NAALADL2: variants seen among roughly 807,000 people sequenced by gnomAD.
NAALADL2 encodes the protein N-acetylated alpha-linked acidic dipeptidase like 2.
A neutral mutation model predicts 87.2 loss-of-function variants in NAALADL2; 76 were observed. The ratio of observed to expected loss-of-function variants is 0.87; its 90% CI spans 0.72 to 1.05. The LOEUF (loss-of-function observed/expected upper bound fraction) is 1.05. Among genes scored for constraint, NAALADL2 ranks in the 50% least tolerant of loss-of-function variants. The pLI is 0.00. For missense variants in NAALADL2, 1,089 were observed against 945.8 expected, an observed-to-expected ratio of 1.15 and a Z score of -1.99; for synonymous variants, 354 against 331.0, an observed-to-expected ratio of 1.07 and a Z score of -0.75.
chr3:175,003,013 C>G (rs1010531038), intron 1 of NAALADL2, among the ~76,000 whole-genome samples: 1 of 152,160 alleles, frequency 6.6e-6, no homozygotes, highest in African/African-American at 2.4e-5. Flanking sequence ...GACATCTTTT[C>G]TGATTAGTTT....
chr3:174,848,856 A>C (rs894642467), intron 3 of NAALADL2, among the ~76,000 whole-genome samples: 1 of 152,212 alleles, frequency 6.6e-6, no homozygotes, highest in Admixed American at 6.5e-5. Context: ...AGCTTACTGC[A>C]ATCCTGGGTT....
At chr3:175,781,021 G>T (rs1446821792) in intron 13 of NAALADL2, among the ~76,000 whole-genome samples, 1 of 152,108 alleles carries the variant, frequency 6.6e-6, no homozygotes, top group Non-Finnish European at 1.5e-5. Context: ...ACATTTTTCT[G>T]ATGAGTAATA....
intron 1 of NAALADL2, among the ~76,000 whole-genome samples, chr3:175,061,335 T>A (rs1043242324): frequency 2.4e-4 from 37 of 152,192 alleles, no homozygotes; most frequent in Non-Finnish European, 4.3e-4. Flanking sequence ...AGAATTATGA[T>A]CAGCTGGTTT....
chr3:175,762,779 T>C (rs1427301476), intron 13 of NAALADL2, among the ~76,000 whole-genome samples: 1 of 152,104 alleles, frequency 6.6e-6, no homozygotes, highest in African/African-American at 2.4e-5. Context: ...ACATTAAATA[T>C]GCAGTTAAGA....
intron 11 of NAALADL2, among the ~76,000 whole-genome samples, chr3:175,643,680 G>A (rs550609526): frequency 6.6e-6 from 1 of 152,270 alleles, no homozygotes; most frequent in African/African-American, 2.4e-5. Context: ...GGTGAACATG[G>A]TGAAGGGAGG....
chr3:174,718,155 TCTC>T (rs945051074), intron 2 of NAALADL2, among the ~76,000 whole-genome samples: 12 of 151,882 alleles, frequency 7.9e-5, no homozygotes, highest in African/African-American at 2.7e-4. Context: ...AAAAAGGAAA[TCTC>T]CTCCTTTAAT....
intron 10 of NAALADL2, among the ~76,000 whole-genome samples, chr3:175,589,637 G>T (rs1364691611): frequency 6.6e-6 from 1 of 151,848 alleles, no homozygotes; most frequent in South Asian, 2.1e-4. Flanking sequence ...ATTAAATGCT[G>T]TTGGATATTA....
chr3:175,183,761 T>G (rs563593447), intron 2 of NAALADL2, among the ~76,000 whole-genome samples: 3 of 152,226 alleles, frequency 2.0e-5, no homozygotes, highest in South Asian at 4.1e-4. Flanking sequence ...TTTGCATCTA[T>G]GTTGATCAAT....
At chr3:175,443,404 C>A (rs1720138657) in intron 5 of NAALADL2, among the ~76,000 whole-genome samples, 1 of 152,032 alleles carries the variant, frequency 6.6e-6, no homozygotes, top group South Asian at 2.1e-4. Context: ...ATAAATATAT[C>A]TTAAAGATGA....
At chr3:175,545,091 A>C (rs114511674) in intron 9 of NAALADL2, among the ~76,000 whole-genome samples, 5 of 152,326 alleles carry the variant, frequency 3.3e-5, no homozygotes, top group Non-Finnish European at 7.4e-5. Context: ...GATTTTTCCA[A>C]AAACATTATT....
rs768592605 is a variant in NAALADL2 at position 175,447,333 on chromosome 3, A to G, written c.1195A>G (p.Lys399Glu). 8.2e-5 allele frequency: 131 copies of G among 1,599,868 alleles called. No homozygotes were observed. Among genetic ancestry groups the G allele is most frequent in the Non-Finnish European group, 1.1e-4 (127 of 1,172,276 alleles). ...GATCTCTTCGCCAAAAGCTAGAACCAAAAATGAAGCGTGTAGCTCTCTAGA... is the reference window on the plus strand; with the variant it reads ...GATCTCTTCGCCAAAAGCTAGAACCGAAAATGAAGCGTGTAGCTCTCTAGA... Reference protein sequence around the residue: ...KLISSPKARTKNEACSSLELP... With the variant: ...KLISSPKARTENEACSSLELP... The change falls in exon 6 of 14, where the codon AAA (lysine) becomes GAA (glutamate). Residue 399 changes from lysine (K) to glutamate (E), a missense_variant. Transcript: ENST00000454872.
intron 1 of NAALADL2, among the ~76,000 whole-genome samples, chr3:175,038,175 A>AT (rs548934604): frequency 1.3e-5 from 2 of 152,226 alleles, no homozygotes; most frequent in African/African-American, 4.8e-5. Flanking sequence ...AAGGCTTAAC[A>AT]TTTTTTTAAG....
chr3:175,486,799 G>C (rs1727343004), intron 9 of NAALADL2, among the ~76,000 whole-genome samples: 1 of 152,024 alleles, frequency 6.6e-6, no homozygotes, highest in African/African-American at 2.4e-5. Flanking sequence ...TTAGGACAAA[G>C]ACCTTGGAGA....
At chr3:175,336,031 G>T (rs1283547653) in intron 5 of NAALADL2, among the ~76,000 whole-genome samples, 3 of 152,030 alleles carry the variant, frequency 2.0e-5, no homozygotes, top group African/African-American at 7.2e-5. Context: ...TACAAAGATT[G>T]TGACTTATAT....
chr3:175,083,122 TTGGTAAA>T (rs1718204681), intron 1 of NAALADL2, among the ~76,000 whole-genome samples: 1 of 152,224 alleles, frequency 6.6e-6, no homozygotes, highest in East Asian at 1.9e-4. Context: ...GAACTTGATG[TTGGTAAA>T]TTCTAGGATG....
intron 10 of NAALADL2, among the ~76,000 whole-genome samples, chr3:175,620,300 G>T (rs909774896): frequency 3.9e-5 from 6 of 152,114 alleles, no homozygotes; most frequent in Non-Finnish European, 8.8e-5. Flanking sequence ...CTGGGATTCC[G>T]CCCCTGCCAT....
chr3:175,402,915 T>G (rs1711583797), intron 5 of NAALADL2, among the ~76,000 whole-genome samples: 1 of 152,158 alleles, frequency 6.6e-6, no homozygotes, highest in Non-Finnish European at 1.5e-5. Context: ...AAGGTCATAT[T>G]CACACCTCTT....
intron 2 of NAALADL2, among the ~76,000 whole-genome samples, chr3:174,560,398 G>A (rs909983925): frequency 2.0e-5 from 3 of 152,174 alleles, no homozygotes; most frequent in Non-Finnish European, 2.9e-5. Flanking sequence ...ACTTGTAAAT[G>A]TCTGCACAGC....
chr3:175,296,823 C>T (rs1756449920), intron 4 of NAALADL2, among the ~76,000 whole-genome samples: 1 of 152,072 alleles, frequency 6.6e-6, no homozygotes, highest in Non-Finnish European at 1.5e-5. Context: ...GGTTTACTAA[C>T]AGAAATGAAG....
Sources: gnomAD v4.1 joint callset for allele counts (sites outside exome capture counted in the v4.1 genomes callset) on GRCh38, gnomAD v4.1.1 for gene constraint, MANE v1.5 for transcripts, NCBI Gene and HGNC (gene_info 2026-07-23, HGNC 2026-07-21) for gene names.